Variants in PRDM6 observed in about 807,000 individuals in gnomAD.
The protein encoded by PRDM6 is putative histone-lysine N-methyltransferase PRDM6.
PRDM6 carries 25 observed loss-of-function variants against 60.8 expected under a neutral mutation model. The ratio of observed to expected loss-of-function variants is 0.41; its 90% CI spans 0.30 to 0.57. The LOEUF is 0.57. Ranked by LOEUF, PRDM6 falls within the 20% of genes least tolerant of loss-of-function variation. PRDM6 has a pLI of 0.27. For missense variants in PRDM6, 839 were observed against 821.3 expected, an observed-to-expected ratio of 1.02 and a Z score of -0.26; for synonymous variants, 407 against 357.4, an observed-to-expected ratio of 1.14 and a Z score of -1.57.
At chr5:123,147,261 A>G (rs1404161441) in intron 3 of PRDM6, among the ~76,000 whole-genome samples, 5 of 146,618 alleles carry the variant, frequency 3.4e-5, no homozygotes, top group East Asian at 1.9e-4. Context: ...TGTGAAATAC[A>G]TTAACACTGA....
chr5:123,177,427 G>A (rs1365029981), intron 6 of PRDM6, among the ~76,000 whole-genome samples: 2 of 152,076 alleles, frequency 1.3e-5, no homozygotes, highest in African/African-American at 4.8e-5. Context: ...CTCTGCAAAG[G>A]TGTATGTGAC....
chr5:123,163,448 A>G (rs150251413), intron 5 of PRDM6, among the ~76,000 whole-genome samples: 3 of 152,312 alleles, frequency 2.0e-5, no homozygotes, highest in Non-Finnish European at 2.9e-5. Context: ...GGCCGTGGGT[A>G]CACTCACTGC....
At chr5:123,107,074 G>A (rs1165865963) in intron 3 of PRDM6, among the ~76,000 whole-genome samples, 2 of 152,252 alleles carry the variant, frequency 1.3e-5, no homozygotes, top group African/African-American at 4.8e-5. Context: ...TAGGCTGTGA[G>A]AGCAGGTGCA....
In PRDM6 at chr5:123,192,318, A is replaced by G. The variant is rs896219111; in HGVS notation, c.*5117A>G. The G allele has an allele frequency of 2.0e-5, 3 of 152,148 alleles. No homozygotes were observed. Among genetic ancestry groups the G allele is most frequent in the Non-Finnish European group, 4.4e-5 (3 of 68,008 alleles). 9.4% of individuals were successfully genotyped at this position (152,148 alleles called of 1,614,324 possible). A position where few individuals can be genotyped will look rare whatever the true frequency, so the allele number is the denominator to read the frequency against. ...ACAGTTTTAGCTTTGTAGCTTCTTT[A>G]GTTTTTTTCCTCCTTCAAAGCCATA... On this transcript the variant is annotated 3_prime_UTR_variant, in exon 8 of 8. Coordinates refer to ENST00000407847, the MANE Select transcript of PRDM6 (RefSeq NM_001136239.4).
intron 6 of PRDM6, among the ~76,000 whole-genome samples, chr5:123,177,811 C>G (rs765265732): frequency 2.0e-4 from 30 of 152,106 alleles, no homozygotes; most frequent in Non-Finnish European, 2.6e-4. Flanking sequence ...AGTCCATTCC[C>G]CTTACCAGGC....
intron 3 of PRDM6, among the ~76,000 whole-genome samples, chr5:123,153,340 A>G (rs908983117): frequency 5.9e-5 from 9 of 152,132 alleles, no homozygotes; most frequent in Non-Finnish European, 1.3e-4. Context: ...AACAGTGGAG[A>G]GAATGACATA....
At position 123,090,102 on chromosome 5, in the gene PRDM6, G is replaced by C. The variant is rs1338909566; in HGVS notation, c.88G>C (p.Gly30Arg). The change falls in exon 2 of 8, where the codon GGA becomes CGA. Residue 30 changes from glycine (G) to arginine (R), a missense_variant. Gly to Arg is a moderately radical substitution (Grantham distance 125). Coordinates refer to ENST00000407847, the MANE Select transcript of PRDM6 (RefSeq NM_001136239.4). ...LQHWQQLFPH[G>R]GAGPLKGSGA... ...GCACTGGCAGCAACTCTTCCCTCACGGAGGCGCAGGCCCGCTCAAGGGCAG... is the reference window on the plus strand; with the variant it reads ...GCACTGGCAGCAACTCTTCCCTCACCGAGGCGCAGGCCCGCTCAAGGGCAG... 1.9e-5 allele frequency: 29 copies of C among 1,546,392 alleles called. No individual in the cohort carries two copies. The highest frequency in any genetic ancestry group is 2.1e-5 in the Non-Finnish European group (24 of 1,145,244).
intron 3 of PRDM6, among the ~76,000 whole-genome samples, chr5:123,113,089 A>AT (rs1235648949): frequency 6.6e-6 from 1 of 152,126 alleles, no homozygotes; most frequent in African/African-American, 2.4e-5. Flanking sequence ...GAAAGTTCTC[A>AT]TATCCCTTCC....
At position 123,090,038 on chromosome 5, in the gene PRDM6, C is replaced by T. The variant is rs1453698443; in HGVS notation, c.24C>T (p.Gly8=). Residue 8 remains glycine, a synonymous_variant, in exon 2 of 8, where the codon GGC becomes GGT. Transcript: ENST00000407847. MLKPGDP[G]GSAFLKVDPA... The stretch of plus-strand genomic sequence containing the variant: ...ACATGCTGAAGCCCGGAGACCCCGG[C>T]GGTTCGGCCTTCCTCAAAGTGGACC... The T allele has an allele frequency of 1.3e-6, 2 of 1,547,964 alleles. No individual in the cohort carries two copies. The highest frequency in any genetic ancestry group is 8.7e-7 in the Non-Finnish European group (1 of 1,145,860).
At chr5:123,117,882 A>G (rs1036889213) in intron 3 of PRDM6, among the ~76,000 whole-genome samples, 2 of 152,246 alleles carry the variant, frequency 1.3e-5, no homozygotes, top group African/African-American at 4.8e-5. Flanking sequence ...GGAGCTTACA[A>G]TGTGATAGGG....
chr5:123,123,015 G>A (rs1012660934), intron 3 of PRDM6, among the ~76,000 whole-genome samples: 1 of 151,840 alleles, frequency 6.6e-6, no homozygotes, highest in Non-Finnish European at 1.5e-5. Flanking sequence ...GATTCTTTTG[G>A]CATATCTATG....
At chr5:123,170,631 T>A in intron 5 of PRDM6, 135 bp from the exon 6 acceptor site, 1 of 681,632 alleles carries the variant, frequency 1.5e-6, no homozygotes, top group South Asian at 2.0e-5. Flanking sequence ...ATCAGATGGT[T>A]TGTTATGTTA....
chr5:123,123,992 C>T (rs867579016), intron 3 of PRDM6, among the ~76,000 whole-genome samples: 12 of 152,114 alleles, frequency 7.9e-5, no homozygotes, highest in East Asian at 7.7e-4. Context: ...ATTCCTTAAA[C>T]GATACTCATT....
At chr5:123,152,452 T>C (rs1029156073) in intron 3 of PRDM6, among the ~76,000 whole-genome samples, 4 of 152,146 alleles carry the variant, frequency 2.6e-5, no homozygotes, top group African/African-American at 9.7e-5. Context: ...TTTTTAAACA[T>C]TGTTCAGGAA....
At chr5:123,107,666 A>C (rs1764225228) in intron 3 of PRDM6, among the ~76,000 whole-genome samples, 1 of 152,266 alleles carries the variant, frequency 6.6e-6, no homozygotes, top group Non-Finnish European at 1.5e-5. Context: ...GACTTGTAAA[A>C]TAATAACACT....
At chr5:123,109,764 T>A (rs991963900) in intron 3 of PRDM6, among the ~76,000 whole-genome samples, 1 of 152,272 alleles carries the variant, frequency 6.6e-6, no homozygotes, top group South Asian at 2.1e-4. Context: ...GTAAGCAAAA[T>A]GCTAGCTGAA....
intron 3 of PRDM6, among the ~76,000 whole-genome samples, chr5:123,104,966 C>T (rs1360142247): frequency 1.6e-5 from 2 of 126,860 alleles, no homozygotes; most frequent in Non-Finnish European, 3.4e-5. Flanking sequence ...TTTCTAAGTC[C>T]GAGAATAATT....
chr5:123,134,477 A>G (rs770148809), intron 3 of PRDM6, among the ~76,000 whole-genome samples: 71 of 152,162 alleles, frequency 4.7e-4, no homozygotes, highest in Non-Finnish European at 7.9e-4. Flanking sequence ...ACCAAATATG[A>G]ATTGATATAA....
chr5:123,161,504 A>G (rs1457171738), intron 5 of PRDM6, among the ~76,000 whole-genome samples: 1 of 152,212 alleles, frequency 6.6e-6, no homozygotes, highest in East Asian at 1.9e-4. Flanking sequence ...GGTAAGCTTC[A>G]CTGGGAAGGT....
Sources: gnomAD v4.1 joint callset for allele counts (sites outside exome capture counted in the v4.1 genomes callset) on GRCh38, gnomAD v4.1.1 for gene constraint, MANE v1.5 for transcripts, NCBI Gene and HGNC (gene_info 2026-07-23, HGNC 2026-07-21) for gene names.